Variants in ABCA12 observed in about 807,000 individuals in gnomAD.
The protein encoded by ABCA12 is glucosylceramide transporter ABCA12.
Under a neutral mutation model 293.5 loss-of-function variants are expected in ABCA12, and 156 were observed. That is an observed-to-expected ratio of 0.53 (90% CI 0.47 to 0.61). The LOEUF is 0.61. Ranked by LOEUF, ABCA12 falls within the 20% of genes least tolerant of loss-of-function variation. ABCA12 has a pLI of 0.00. For synonymous variants in ABCA12, 1,063 were observed against 1,108.0 expected (o/e 0.96, Z 0.81); for missense variants, 2,797 against 3,090.2 (o/e 0.91, Z 2.25).
chr2:215,112,496 T>G (rs58210301), intron 1 of ABCA12, among the ~76,000 whole-genome samples: 85,717 of 121,680 alleles, frequency 0.7, 29,406 homozygotes, highest in East Asian at 0.92. Context: ...GTTTTTTTTT[T>G]GTTTTTTTTT....
intron 5 of ABCA12, 49 bp from the exon 6 acceptor site, chr2:215,049,860 A>G (rs1390147464): frequency 3.3e-6 from 5 of 1,514,824 alleles, no homozygotes; most frequent in Non-Finnish European, 4.5e-6. Flanking sequence ...ATAAATGTAG[A>G]TGTTCAAATA....
chr2:215,119,446 G>A (rs750006724), intron 1 of ABCA12, among the ~76,000 whole-genome samples: 5 of 152,148 alleles, frequency 3.3e-5, no homozygotes, highest in Non-Finnish European at 5.9e-5. Context: ...AGGTCTTACA[G>A]TTAAGTCTCT....
intron 42 of ABCA12, 48 bp downstream of exon 42, chr2:214,956,615 G>T: frequency 7.5e-7 from 1 of 1,338,208 alleles, no homozygotes; most frequent in South Asian, 1.2e-5. Flanking sequence ...GTGTCTAGGG[G>T]CATTTAATTC....
chr2:214,983,784 C>T lies in ABCA12; in HGVS notation c.4245G>A (p.Thr1415=), dbSNP rs371754974. The T allele has an allele frequency of 4.3e-6, 7 of 1,613,956 alleles. No individual in the cohort carries two copies. The highest frequency in any genetic ancestry group is 4.0e-5 in the African/African-American group (3 of 74,904). Residue 1415 remains threonine (T), a synonymous_variant, in exon 29 of 53, where the codon ACG becomes ACA. Coordinates refer to ENST00000272895, the MANE Select transcript of ABCA12 (RefSeq NM_173076.3). ...TACAGACTCCCATGTTCTTCCGTAC[C>T]GTGTGTAGGTCTGTTTTGATATCTT... ...YGKDIKTDLH[T]VRKNMGVCMQ... is the part of the protein sequence containing the mutation.
At chr2:215,089,043 G>A (rs1008475116) in intron 2 of ABCA12, among the ~76,000 whole-genome samples, 7 of 152,134 alleles carry the variant, frequency 4.6e-5, no homozygotes, top group Non-Finnish European at 1.0e-4. Context: ...AGCAGGGAGA[G>A]TTTAGGAAAT....
At chr2:214,987,147 T>C (rs1248846939) in intron 27 of ABCA12, among the ~76,000 whole-genome samples, 1 of 152,054 alleles carries the variant, frequency 6.6e-6, no homozygotes, top group Non-Finnish European at 1.5e-5. Flanking sequence ...ATCCAGTTCA[T>C]TAATAACTAT....
At chr2:215,137,990 CAG>C in intron 1 of ABCA12, 148 bp downstream of exon 1, 1 of 844,152 alleles carries the variant, frequency 1.2e-6, no homozygotes, top group Non-Finnish European at 2.1e-6. Flanking sequence ...AGCTATAAGA[CAG>C]ATAGGGGGAT....
In ABCA12 at chr2:214,966,902, G is replaced by C; in HGVS notation, c.5830C>G (p.Leu1944Val). 6.2e-7 allele frequency: 1 copy of C among 1,613,846 alleles called. No individual in the cohort carries two copies. The highest frequency in any genetic ancestry group is 8.5e-7 in the Non-Finnish European group (1 of 1,179,826). ...YHSLPAYLNS[L>V]NNFLLRVNMS... Reference sequence around the variant, plus strand: ...TTAACTCGCAGAAGGAAATTATTCAGGCTGTTGAGGTAAGCTGGAAGGGAG... The same window carrying C: ...TTAACTCGCAGAAGGAAATTATTCACGCTGTTGAGGTAAGCTGGAAGGGAG... The change falls in exon 39 of 53, where the codon CTG becomes GTG. Residue 1944 changes from leucine to valine, a missense_variant. Around this residue, in one of 3 missense-constraint regions of ABCA12, gnomAD observed 2,130 missense variants for 2,427.0 expected, o/e 0.88. Transcript: ENST00000272895.
At chr2:215,089,926 G>C (rs541107498) in intron 2 of ABCA12, among the ~76,000 whole-genome samples, 1 of 152,136 alleles carries the variant, frequency 6.6e-6, no homozygotes, top group Non-Finnish European at 1.5e-5. Flanking sequence ...ACCTCCAGTA[G>C]CAACATGATA....
In ABCA12 at chr2:214,951,081, A is replaced by G; in HGVS notation, c.6650T>C (p.Leu2217Pro). The change falls in exon 45 of 53, where the codon CTT becomes CCT. Residue 2217 changes from leucine to proline, a missense_variant and splice_region_variant. Physicochemically the swap from Leu to Pro is moderately conservative, Grantham distance 98. Coordinates refer to ENST00000272895, the MANE Select transcript of ABCA12 (RefSeq NM_173076.3). The part of the protein sequence containing the change: ...INESLIKKLR[L>P]FFRKFNSSHV... ...TGAAGAATTAAATTTTCTGAAGAAA[A>G]GCCTAAAAATGGACCCAGTGATTTT... 1 of 1,613,750 alleles carries G rather than the reference A, an allele frequency of 6.2e-7. No individual in the cohort carries two copies. The highest frequency in any genetic ancestry group is 8.5e-7 in the Non-Finnish European group (1 of 1,179,812).
intron 1 of ABCA12, among the ~76,000 whole-genome samples, chr2:215,136,566 T>C (rs1703232859): frequency 6.6e-6 from 1 of 152,174 alleles, no homozygotes; most frequent in Non-Finnish European, 1.5e-5. Context: ...TCCTCTGTGT[T>C]TTTGTTTTTA....
rs780940154 is a variant in ABCA12 at position 214,990,856 on chromosome 2, G to A, written c.3470C>T (p.Ser1157Leu). 34 of 1,613,948 alleles carry A rather than the reference G, an allele frequency of 2.1e-5. No homozygotes were observed. The highest frequency in any genetic ancestry group is 1.8e-5 in the Non-Finnish European group (21 of 1,179,992). Residue 1157 changes from serine to leucine, a missense_variant, in exon 24 of 53, where the codon TCG becomes TTG. This residue lies in a region of ABCA12 where 2,130 missense variants were observed against 2,427.0 expected (regional missense o/e 0.88). Transcript: ENST00000272895. ...LFLYFSDYSF[S>L]VIAMSYLISV... ...GATAAGATAGCTCATGGCAATAACC[G>A]AGAAGCTGTAGTCCGAAAAATACAG...
intron 33 of ABCA12, 72 bp from the exon 34 acceptor site, chr2:214,976,109 T>C (rs2105958789): frequency 6.4e-7 from 1 of 1,569,210 alleles, no homozygotes; most frequent in East Asian, 2.3e-5. Context: ...TCAGAAACTA[T>C]ATATAAATGG....
At chr2:215,095,645 T>C (rs1037222989) in intron 2 of ABCA12, among the ~76,000 whole-genome samples, 2 of 152,140 alleles carry the variant, frequency 1.3e-5, no homozygotes, top group African/African-American at 2.4e-5. Context: ...TTGTTTTTCC[T>C]ATTAATATAA....
At chr2:215,049,517 T>G (rs1701274347) in intron 6 of ABCA12, 109 bp downstream of exon 6, 2 of 1,084,992 alleles carry the variant, frequency 1.8e-6, no homozygotes, top group Non-Finnish European at 2.8e-6. Context: ...GAGGAAAACA[T>G]GCCTAAGGTA....
At chr2:215,007,248 C>T (rs1003165375) in intron 19 of ABCA12, among the ~76,000 whole-genome samples, 21 of 152,166 alleles carry the variant, frequency 1.4e-4, no homozygotes, top group African/African-American at 2.7e-4. Context: ...AATACGTTAA[C>T]GAGAACACCT....
intron 14 of ABCA12, chr2:215,017,805 G>A (rs6435868): frequency 1 from 638,520 of 639,126 alleles, 318,961 homozygotes; most frequent in Non-Finnish European, 1. Context: ...AAAATAAAGA[G>A]AAAAGGGACA....
intron 2 of ABCA12, among the ~76,000 whole-genome samples, chr2:215,069,747 G>A (rs1399644215): frequency 6.6e-6 from 1 of 152,086 alleles, no homozygotes; most frequent in African/African-American, 2.4e-5. Flanking sequence ...TCGGAATGAG[G>A]GCTTCTACAC....
chr2:215,040,065 G>A (rs202095586), intron 7 of ABCA12, among the ~76,000 whole-genome samples: 1 of 152,054 alleles, frequency 6.6e-6, no homozygotes, highest in East Asian at 1.9e-4. Flanking sequence ...TACAATAACT[G>A]AACCAAGTAT....
Sources: allele counts gnomAD v4.1 joint callset (sites outside exome capture counted in the v4.1 genomes callset), GRCh38; gene constraint gnomAD v4.1.1; regional missense constraint gnomAD v4.1.1; transcripts MANE v1.5; gene names NCBI Gene and HGNC (gene_info 2026-07-23, HGNC 2026-07-21).